Variants in PLA2R1 observed in about 807,000 individuals in gnomAD.
PLA2R1 encodes secretory phospholipase A2 receptor.
A neutral mutation model predicts 195.9 loss-of-function variants in PLA2R1; 158 were observed. The ratio of observed to expected loss-of-function variants is 0.81; its 90% CI spans 0.71 to 0.92. The LOEUF (loss-of-function observed/expected upper bound fraction) is 0.92. Among genes scored for constraint, PLA2R1 ranks in the 40% least tolerant of loss-of-function variants. The probability of loss-of-function intolerance (pLI) is 0.00; values close to 1 mark genes in which losing one functional copy is unlikely to be tolerated. For missense variants in PLA2R1, 1,626 were observed against 1,764.6 expected (o/e 0.92, Z 1.41); for synonymous variants, 586 against 598.2 (o/e 0.98, Z 0.30).
At chr2:159,992,273 G>A (rs1314601804) in intron 11 of PLA2R1, among the ~76,000 whole-genome samples, 1 of 152,032 alleles carries the variant, frequency 6.6e-6, no homozygotes, top group Non-Finnish European at 1.5e-5. Context: ...CTTTTGAGAA[G>A]TGTCTGTTCA....
At position 159,978,036 on chromosome 2, in the gene PLA2R1, A is replaced by G. The variant is rs147621639; in HGVS notation, c.2269-620T>C. Among the ~76,000 whole-genome samples, 473 of 152,322 alleles carry G rather than the reference A, an allele frequency of 3.1e-3. 1 individual carries two copies. Among genetic ancestry groups the G allele is most frequent in the Non-Finnish European group, 5.6e-3 (379 of 68,026 alleles). Reference sequence around the variant, plus strand: ...TTGGTCTGAATTTGCACATTTTTCTAACTGGGAAAATTTTCTAGCCTTGGA... The same window carrying G: ...TTGGTCTGAATTTGCACATTTTTCTGACTGGGAAAATTTTCTAGCCTTGGA... On this transcript the variant is annotated intron_variant, in intron 14 of 29. Coordinates refer to ENST00000283243, the MANE Select transcript of PLA2R1 (RefSeq NM_007366.5).
intron 1 of PLA2R1, among the ~76,000 whole-genome samples, chr2:160,060,567 T>C (rs1293693783): frequency 1.3e-5 from 2 of 152,218 alleles, no homozygotes; most frequent in Non-Finnish European, 2.9e-5. Flanking sequence ...GAAGAATCTC[T>C]ATGCCAACTA....
chr2:160,012,479 C>T (rs907095034), intron 10 of PLA2R1, among the ~76,000 whole-genome samples: 1 of 152,164 alleles, frequency 6.6e-6, no homozygotes, highest in Non-Finnish European at 1.5e-5. Context: ...GGCATATGTG[C>T]ACAGAGAAGT....
intron 21 of PLA2R1, 147 bp downstream of exon 21, chr2:159,956,363 A>G (rs1281995246): frequency 8.2e-6 from 5 of 613,280 alleles, no homozygotes; most frequent in Non-Finnish European, 1.5e-5. Context: ...AATAAAACCT[A>G]TGGGTCAAAC....
Position 160,047,710 on chromosome 2 carries a change from A to G in PLA2R1, c.110-2553T>C, listed in dbSNP as rs116071047. 4.6e-3 allele frequency among the ~76,000 whole-genome samples: 695 copies of G among 152,356 alleles called. 3 individuals carry two copies. Among genetic ancestry groups the G allele is most frequent in the Non-Finnish European group, 7.5e-3 (507 of 68,030 alleles). On this transcript the variant is annotated intron_variant, in intron 1 of 29. Coordinates refer to ENST00000283243, the MANE Select transcript of PLA2R1 (RefSeq NM_007366.5). ...TAAAGTCTACACTGTAGGTTTTTTA[A>G]TACGAAAGAGAAAAATACATGGTGT...
chr2:159,949,456 G>T, intron 25 of PLA2R1, 152 bp downstream of exon 25: 2 of 541,482 alleles, frequency 3.7e-6, no homozygotes, highest in South Asian at 3.1e-5. Flanking sequence ...TCATTTTGTA[G>T]TTCTGTTATT....
At chr2:160,026,507 C>A (rs1693533961) in intron 6 of PLA2R1, among the ~76,000 whole-genome samples, 1 of 152,112 alleles carries the variant, frequency 6.6e-6, no homozygotes, top group African/African-American at 2.4e-5. Flanking sequence ...CCAGGTGGGG[C>A]TTTCAGGAAC....
chr2:160,024,027 AC>A (rs906351635), intron 6 of PLA2R1, among the ~76,000 whole-genome samples: 5 of 148,022 alleles, frequency 3.4e-5, no homozygotes, highest in African/African-American at 1.3e-4. Context: ...GCCACTGAGG[AC>A]CCCTGCAGCC....
chr2:160,062,605 C>G lies in PLA2R1; in HGVS notation c.-202G>C, dbSNP rs527343934. The G allele has an allele frequency of 9.7e-6, 9 of 930,784 alleles. No individual in the cohort carries two copies. Among genetic ancestry groups the G allele is most frequent in the Non-Finnish European group, 1.3e-5 (9 of 682,562 alleles). The allele number at this position is 930,784 out of a possible 1,614,324, so 57.7% of individuals were successfully genotyped here. A position where few individuals can be genotyped will look rare whatever the true frequency, so the allele number is the denominator to read the frequency against. ...CCGCTGTCTCCACAGTGAACCGACA[C>G]TCGGGGCTCTGGGCTGGGATGCGGG... On this transcript the variant is annotated 5_prime_UTR_variant, in exon 1 of 30. Transcript: ENST00000283243.
chr2:160,056,242 T>A (rs1695532771), intron 1 of PLA2R1, among the ~76,000 whole-genome samples: 1 of 152,176 alleles, frequency 6.6e-6, no homozygotes. Context: ...TAAGGGTATT[T>A]TTTAAAAAAT....
intron 10 of PLA2R1, among the ~76,000 whole-genome samples, chr2:160,011,560 CAATG>C (rs1431828991): frequency 6.6e-6 from 1 of 152,018 alleles, no homozygotes; most frequent in African/African-American, 2.4e-5. Flanking sequence ...GACAGGCACT[CAATG>C]AACATTAAAC....
intron 20 of PLA2R1, among the ~76,000 whole-genome samples, chr2:159,961,548 A>G (rs1688438262): frequency 6.6e-6 from 1 of 152,148 alleles, no homozygotes; most frequent in African/African-American, 2.4e-5. Context: ...AGTTATCAAT[A>G]ATTTTTTTTT....
At chr2:160,047,847 A>T (rs536493807) in intron 1 of PLA2R1, among the ~76,000 whole-genome samples, 1 of 152,200 alleles carries the variant, frequency 6.6e-6, no homozygotes, top group South Asian at 2.1e-4. Context: ...TGAGTTTGAA[A>T]CAAGGTCTTG....
downstream of PLA2R1, among the ~76,000 whole-genome samples, chr2:159,927,280 CTT>C (rs1686517941): frequency 6.6e-6 from 1 of 152,178 alleles, no homozygotes; most frequent in Non-Finnish European, 1.5e-5. Flanking sequence ...AAAAAAGACT[CTT>C]TTAAAGTTCT....
chr2:159,998,461 T>C lies in PLA2R1; in HGVS notation c.1834+7191A>G, dbSNP rs552291832. Among the ~76,000 whole-genome samples the C allele has an allele frequency of 2.6e-5, 4 of 152,248 alleles. No homozygotes were observed. In the East Asian group the frequency reaches 7.7e-4, roughly 29 times the overall value. ...AACTCAGTAGTGGGTAGGTACTCTT[T>C]ATGCATATGTTATCCTGCAGTGCAG... is the stretch of plus-strand genomic sequence containing the variant. On this transcript the variant is annotated intron_variant, in intron 11 of 29. Coordinates refer to ENST00000283243, the MANE Select transcript of PLA2R1 (RefSeq NM_007366.5).
At chr2:160,047,802 T>G (rs1465909919) in intron 1 of PLA2R1, among the ~76,000 whole-genome samples, 1 of 152,160 alleles carries the variant, frequency 6.6e-6, no homozygotes, top group Non-Finnish European at 1.5e-5. Flanking sequence ...ATTACAAACC[T>G]AACATTTGGG....
intron 11 of PLA2R1, among the ~76,000 whole-genome samples, chr2:159,999,117 A>G (rs975470817): frequency 1.1e-4 from 16 of 152,182 alleles, no homozygotes; most frequent in African/African-American, 3.6e-4. Flanking sequence ...CCACCATGTG[A>G]GGGCGCTGCA....
rs1696046558 is a variant in PLA2R1, at chr2:160,062,612, C to T, written c.-209G>A. On this transcript the variant is annotated 5_prime_UTR_variant, in exon 1 of 30. Transcript: ENST00000283243. ...CTCCACAGTGAACCGACACTCGGGGCTCTGGGCTGGGATGCGGGAAAGTCG... is the reference window on the plus strand; with the variant it reads ...CTCCACAGTGAACCGACACTCGGGGTTCTGGGCTGGGATGCGGGAAAGTCG... The T allele has an allele frequency of 1.1e-6, 1 of 901,392 alleles. No homozygotes were observed. Among genetic ancestry groups the T allele is most frequent in the Non-Finnish European group, 1.5e-6 (1 of 656,706 alleles). 55.8% of individuals were successfully genotyped at this position (901,392 alleles called of 1,614,324 possible). A position where few individuals can be genotyped will look rare whatever the true frequency, so the allele number is the denominator to read the frequency against.
Position 159,947,775 on chromosome 2 carries a change from A to G in PLA2R1, c.3710-216T>C, listed in dbSNP as rs140344513. ...ATAATCTTTACCTAAACATAACAAG[A>G]TATGTTAAGGCACAGCTTTGTAGGC... On this transcript the variant is annotated intron_variant, in intron 25 of 29. Coordinates refer to ENST00000283243, the MANE Select transcript of PLA2R1 (RefSeq NM_007366.5). 7.9e-3 allele frequency among the ~76,000 whole-genome samples: 1,210 copies of G among 152,316 alleles called. 14 individuals carry two copies. The highest frequency in any genetic ancestry group is 0.026 in the Admixed American group (403 of 15,300).
Sources: gnomAD v4.1 joint callset for allele counts (sites outside exome capture counted in the v4.1 genomes callset) on GRCh38, gnomAD v4.1.1 for gene constraint, MANE v1.5 for transcripts, NCBI Gene and HGNC (gene_info 2026-07-23, HGNC 2026-07-21) for gene names.